Variants in NDRG1 observed in about 807,000 individuals in gnomAD.
NDRG1 encodes protein NDRG1.
NDRG1 carries 32 observed loss-of-function variants against 56.9 expected under a neutral mutation model. The ratio of observed to expected loss-of-function variants is 0.56; its 90% CI spans 0.42 to 0.76. The LOEUF (loss-of-function observed/expected upper bound fraction) is 0.76. NDRG1 is among the 30% of genes least tolerant of loss of function. The pLI is 0.00. For synonymous variants in NDRG1, 211 were observed against 204.1 expected (o/e 1.03, Z -0.29); for missense variants, 507 against 545.7 (o/e 0.93, Z 0.71).
At position 133,248,701 on chromosome 8, in the gene NDRG1, GA is replaced by G. The variant is rs771099495; in HGVS notation, c.755+13del. On this transcript the variant is annotated intron_variant, in intron 11 of 15. Transcript: ENST00000323851. Reference sequence around the variant, plus strand: ...CCCCGACTGCAAGTGCTGGGGGAGAGAAAAGCCACTCACTGCAGGGTGACTG... The same window carrying G: ...CCCCGACTGCAAGTGCTGGGGGAGAGAAAGCCACTCACTGCAGGGTGACTG... 2 of 1,614,200 alleles carry G rather than the reference GA, an allele frequency of 1.2e-6. No homozygotes were observed. The highest frequency in any genetic ancestry group is 2.2e-5 in the East Asian group (1 of 44,884).
Position 133,281,642 on chromosome 8 carries a change from G to A in NDRG1, c.64-1375C>T, listed in dbSNP as rs544751655. Among the ~76,000 whole-genome samples the A allele has an allele frequency of 1.8e-3, 276 of 152,276 alleles. 4 individuals carry two copies. Among genetic ancestry groups the A allele is most frequent in the Middle Eastern group, 0.017 (5 of 294 alleles). ...AGAAAACAAGACGGCTCAGCAGAGCGAAATGCAAAAGCGATGAGGGGAACA... is the reference window on the plus strand; with the variant it reads ...AGAAAACAAGACGGCTCAGCAGAGCAAAATGCAAAAGCGATGAGGGGAACA... On this transcript the variant is annotated intron_variant, in intron 2 of 15. Coordinates refer to ENST00000323851, the MANE Select transcript of NDRG1 (RefSeq NM_006096.4).
At chr8:133,263,792 C>T (rs183945433) in intron 4 of NDRG1, among the ~76,000 whole-genome samples, 4 of 151,578 alleles carry the variant, frequency 2.6e-5, no homozygotes, top group East Asian at 1.9e-4. Context: ...GGTGGGTGCC[C>T]GTAATCCCAG....
At chr8:133,242,159 C>G (rs1281666168) in intron 14 of NDRG1, 85 bp from the exon 15 acceptor site, 2 of 1,399,020 alleles carry the variant, frequency 1.4e-6, no homozygotes, top group Non-Finnish European at 2.0e-6. Context: ...CTGTGGTCAC[C>G]TTCATTTGAG....
chr8:133,258,540 C>T, intron 6 of NDRG1, 114 bp from the exon 7 acceptor site: 1 of 946,714 alleles, frequency 1.1e-6, no homozygotes, highest in South Asian at 1.4e-5. Flanking sequence ...CGGGAGCATG[C>T]TGCCGTAACT....
chr8:133,296,421 G>T (rs1372312016), intron 1 of NDRG1: 3 of 454,096 alleles, frequency 6.6e-6, no homozygotes, highest in Non-Finnish European at 1.3e-5. Context: ...CTGCCCAGTG[G>T]CGCTCGCAGA....
intron 1 of NDRG1, among the ~76,000 whole-genome samples, chr8:133,296,072 T>A (rs1419457811): frequency 1.3e-5 from 2 of 152,078 alleles, no homozygotes; most frequent in Non-Finnish European, 2.9e-5. Context: ...CTCCAGCTAC[T>A]AATTTGACAG....
intron 3 of NDRG1, among the ~76,000 whole-genome samples, chr8:133,267,475 C>T (rs1239591500): frequency 6.6e-6 from 1 of 152,194 alleles, no homozygotes; most frequent in Non-Finnish European, 1.5e-5. Flanking sequence ...CCCCATCTCC[C>T]TTCTCCCCTC....
chr8:133,277,018 G>A (rs983802299), intron 3 of NDRG1, among the ~76,000 whole-genome samples: 2 of 152,222 alleles, frequency 1.3e-5, no homozygotes, highest in Non-Finnish European at 2.9e-5. Context: ...AGGAAATGCT[G>A]ACACCTGCTA....
chr8:133,267,504 A>G (rs993139540), intron 3 of NDRG1, among the ~76,000 whole-genome samples: 3 of 152,136 alleles, frequency 2.0e-5, no homozygotes, highest in Non-Finnish European at 4.4e-5. Context: ...TCAGGGCCCA[A>G]CACTTCTTTC....
chr8:133,255,677 A>C (rs1045014867), intron 8 of NDRG1: 1 of 276,712 alleles, frequency 3.6e-6, no homozygotes. Context: ...GAATGTTCAA[A>C]GAACAAATGC....
chr8:133,239,477 C>T (rs752398698), intron 15 of NDRG1: 5 of 436,058 alleles, frequency 1.1e-5, no homozygotes, highest in South Asian at 2.3e-5. Context: ...CTGGTATCAG[C>T]ACCTGTGTGT....
intron 3 of NDRG1, among the ~76,000 whole-genome samples, chr8:133,265,195 C>T (rs1037270879): frequency 2.0e-5 from 3 of 152,196 alleles, no homozygotes; most frequent in Non-Finnish European, 4.4e-5. Flanking sequence ...CCAATTCATG[C>T]ACTCCACCTC....
chr8:133,256,323 T>C (rs1407501340), intron 8 of NDRG1: 1 of 165,124 alleles, frequency 6.1e-6, no homozygotes, highest in African/African-American at 2.4e-5. Context: ...TAAAATTCTG[T>C]GGCACAGTCC....
intron 3 of NDRG1, among the ~76,000 whole-genome samples, chr8:133,271,235 T>G (rs760459953): frequency 1.3e-5 from 2 of 152,082 alleles, no homozygotes; most frequent in African/African-American, 2.4e-5. Context: ...TGACCCTCCC[T>G]CAGTCTAGCA....
Position 133,258,476 on chromosome 8 carries a change from G to C in NDRG1, c.390-50C>G, listed in dbSNP as rs201511061. 5.1e-6 allele frequency: 8 copies of C among 1,567,592 alleles called. No homozygotes were observed. In the East Asian group the frequency reaches 1.8e-4, roughly 36 times the overall value. On this transcript the variant is annotated intron_variant, in intron 6 of 15. Coordinates refer to ENST00000323851, the MANE Select transcript of NDRG1 (RefSeq NM_006096.4). ...GTCACACAAGGACAGAGTGACGGGAGCCTCCAAGGACCCACTTAGAACTTC... is the reference window on the plus strand; with the variant it reads ...GTCACACAAGGACAGAGTGACGGGACCCTCCAAGGACCCACTTAGAACTTC...
chr8:133,246,629 G>T lies in NDRG1; in HGVS notation c.842C>A (p.Thr281Asn). ...TTTTCCCTGTACCTTGAGGAGAGTG[G>T]TCTTTGTTGGGTCCAATTTTGAGTT... The part of the protein sequence containing the change: ...ECNSKLDPTK[T>N]TLLKMADCGG... Residue 281 changes from threonine to asparagine, a missense_variant, in exon 13 of 16, where the codon ACC becomes AAC. Physicochemically the swap from Thr to Asn is moderately conservative, Grantham distance 65 (BLOSUM62 0). Transcript: ENST00000323851. 1 of 1,614,170 alleles carries T rather than the reference G, an allele frequency of 6.2e-7. No individual in the cohort carries two copies. Among genetic ancestry groups the T allele is most frequent in the Non-Finnish European group, 8.5e-7 (1 of 1,180,012 alleles).
At position 133,264,638 on chromosome 8, in the gene NDRG1, C is replaced by G. The variant is rs746562219; in HGVS notation, c.114G>C (p.Glu38Asp). ...QEFDVQEQDI[E>D]TLHGSVHVTL... ...TGACGTGAACAGAGCCATGTAAAGTCTCGATGTCCTGCTCCTGAGGAGACA... is the reference window on the plus strand; with the variant it reads ...TGACGTGAACAGAGCCATGTAAAGTGTCGATGTCCTGCTCCTGAGGAGACA... Residue 38 changes from glutamate to aspartate, a missense_variant, in exon 4 of 16, where the codon GAG becomes GAC. Glu to Asp is a conservative substitution (Grantham distance 45, BLOSUM62 2). Transcript: ENST00000323851. The G allele has an allele frequency of 1.9e-6, 3 of 1,614,218 alleles. No homozygotes were observed. In the South Asian group the frequency reaches 3.3e-5, roughly 18 times the overall value.
chr8:133,272,896 G>C (rs1857264566), intron 3 of NDRG1, among the ~76,000 whole-genome samples: 1 of 152,218 alleles, frequency 6.6e-6, no homozygotes, highest in Non-Finnish European at 1.5e-5. Context: ...CAACTGTGTG[G>C]AAAGAGAGAA....
chr8:133,252,419 T>C (rs1196634083), intron 9 of NDRG1, among the ~76,000 whole-genome samples: 1 of 152,200 alleles, frequency 6.6e-6, no homozygotes, highest in African/African-American at 2.4e-5. Context: ...TAAGCCATCC[T>C]GTTTGTGGTA....
Sources: allele counts gnomAD v4.1 joint callset (sites outside exome capture counted in the v4.1 genomes callset), GRCh38; gene constraint gnomAD v4.1.1; transcripts MANE v1.5; gene names NCBI Gene and HGNC (gene_info 2026-07-23, HGNC 2026-07-21).